KRT32: variants seen among roughly 807,000 people sequenced by gnomAD.
The protein encoded by KRT32 is keratin, type I cuticular Ha2.
KRT32 carries 44 observed loss-of-function variants against 41.8 expected under a neutral mutation model. The ratio of observed to expected loss-of-function variants is 1.05; its 90% confidence interval spans 0.83 to 1.35. The LOEUF (loss-of-function observed/expected upper bound fraction) is 1.35. KRT32 is among the 40% of genes most tolerant of loss of function. KRT32 has a pLI of 0.00. For missense variants in KRT32, 576 were observed against 584.6 expected, an observed-to-expected ratio of 0.99 and a Z score of 0.15; for synonymous variants, 238 against 242.5, an observed-to-expected ratio of 0.98 and a Z score of 0.17.
Position 41,462,819 on chromosome 17 carries a change from G to A in KRT32, c.1217+11C>T. 6.2e-7 allele frequency: 1 copy of A among 1,612,558 alleles called. No homozygotes were observed. Among genetic ancestry groups the A allele is most frequent in the Non-Finnish European group, 8.5e-7 (1 of 1,179,704 alleles). On this transcript the variant is annotated intron_variant, in intron 6 of 6. Coordinates refer to ENST00000225899, the MANE Select transcript of KRT32 (RefSeq NM_002278.3). ...CCCACGTCTCTCTAAGCCTCAGCTGGGCCTGCGTACTTGCAGTCCTCGTTC... is the reference window on the plus strand; with the variant it reads ...CCCACGTCTCTCTAAGCCTCAGCTGAGCCTGCGTACTTGCAGTCCTCGTTC...
At position 41,462,263 on chromosome 17, in the gene KRT32, G is replaced by T. The variant is rs566116738; in HGVS notation, c.1217+567C>A. Among the ~76,000 whole-genome samples the T allele has an allele frequency of 3.3e-5, 5 of 151,982 alleles. 1 individual carries two copies. The East Asian group carries it at 9.7e-4, about 29-fold the overall frequency. On this transcript the variant is annotated intron_variant, in intron 6 of 6. Coordinates refer to ENST00000225899, the MANE Select transcript of KRT32 (RefSeq NM_002278.3). ...AAGCCCTCCCTTCCCAGTATGACCC[G>T]TGTTGTTCTCCATAAATGGGCCCCG... is the stretch of plus-strand genomic sequence containing the variant.
At chr17:41,466,219 C>T (rs771020765) in intron 1 of KRT32, 43 bp from the exon 2 acceptor site, 15 of 1,552,804 alleles carry the variant, frequency 9.7e-6, no homozygotes, top group African/African-American at 8.1e-5. Flanking sequence ...CAGGATGAGA[C>T]GAAGCAAGAA....
At position 41,464,099 on chromosome 17, in the gene KRT32, C is replaced by T; in HGVS notation, c.975G>A (p.Glu325=). Residue 325 remains glutamate, a synonymous_variant, in exon 5 of 7, where the codon GAG becomes GAA. Coordinates refer to ENST00000225899, the MANE Select transcript of KRT32 (RefSeq NM_002278.3). ...TCACCAGGCTGTGCTGGGCCTGCAG[C>T]TCGATCTCCAGCGTGTTGACCGTGC... ...LRRTVNTLEI[E]LQAQHSLRDS... is the part of the protein sequence containing the mutation. 1 of 1,605,058 alleles carries T rather than the reference C, an allele frequency of 6.2e-7. No individual in the cohort carries two copies. The highest frequency in any genetic ancestry group is 8.5e-7 in the Non-Finnish European group (1 of 1,175,310).
intron 6 of KRT32, among the ~76,000 whole-genome samples, chr17:41,462,475 G>A (rs905885327): frequency 2.0e-5 from 3 of 152,178 alleles, no homozygotes; most frequent in Non-Finnish European, 2.9e-5. Flanking sequence ...CTCTGGACAG[G>A]CCATGACCTC....
At position 41,466,846 on chromosome 17, in the gene KRT32, C is replaced by A. The variant is rs76526153; in HGVS notation, c.468+12G>T. On this transcript the variant is annotated intron_variant, in intron 1 of 6. Transcript: ENST00000225899. ...TTCCCAGAGAGCCTATTCACCTCACCGCTGCCCTCACCTTCTGCTGGAGCT... is the reference window on the plus strand; with the variant it reads ...TTCCCAGAGAGCCTATTCACCTCACAGCTGCCCTCACCTTCTGCTGGAGCT... 6.3e-7 allele frequency: 1 copy of A among 1,592,886 alleles called. No homozygotes were observed. Among genetic ancestry groups the A allele is most frequent in the Non-Finnish European group, 8.6e-7 (1 of 1,164,704 alleles).
chr17:41,464,559 C>G, intron 3 of KRT32, 116 bp from the exon 4 acceptor site: 1 of 959,470 alleles, frequency 1.0e-6, no homozygotes, highest in South Asian at 1.9e-5. Flanking sequence ...CATTAGATGG[C>G]CCCTAAGGAC....
intron 1 of KRT32, 103 bp downstream of exon 1, chr17:41,466,755 T>C: frequency 1.2e-6 from 1 of 836,806 alleles, no homozygotes; most frequent in Non-Finnish European, 1.9e-6. Context: ...GGAAGTCTCT[T>C]TGTCCTGAAC....
rs147094229 is a variant in KRT32, at chr17:41,464,380, G to A, written c.772C>T (p.Pro258Ser). 1.7e-5 allele frequency: 28 copies of A among 1,610,416 alleles called. No homozygotes were observed. The highest frequency in any genetic ancestry group is 1.6e-4 in the Middle Eastern group (1 of 6,070). Residue 258 changes from proline to serine, a missense_variant, in exon 4 of 7, where the codon CCG becomes TCG. Pro to Ser is a moderately conservative substitution (Grantham distance 74, BLOSUM62 -1). Coordinates refer to ENST00000225899, the MANE Select transcript of KRT32 (RefSeq NM_002278.3). The stretch of plus-strand genomic sequence containing the variant: ...TCCAGCACCCTGGTCAGGTCCACCG[G>A]GGGTGCAGCGTCCACCTCGATGTTA... ...RLNIEVDAAP[P>S]VDLTRVLEEM...
At chr17:41,463,078 G>A (rs1451113936) in intron 5 of KRT32, 28 bp from the exon 6 acceptor site, 1 of 1,587,676 alleles carries the variant, frequency 6.3e-7, no homozygotes, top group South Asian at 1.1e-5. Flanking sequence ...ATAACCATGA[G>A]GAAGGGAGCT....
At chr17:41,466,249 A>T in intron 1 of KRT32, 73 bp from the exon 2 acceptor site, 1 of 1,270,302 alleles carries the variant, frequency 7.9e-7, no homozygotes, top group Non-Finnish European at 1.1e-6. Flanking sequence ...TGAAGAGAAG[A>T]CAGCAGCAAA....
chr17:41,461,271 C>T (rs991706997), intron 6 of KRT32, among the ~76,000 whole-genome samples: 3 of 152,192 alleles, frequency 2.0e-5, no homozygotes, highest in Non-Finnish European at 4.4e-5. Flanking sequence ...CCCTGCATAC[C>T]TCACATAGAA....
intron 6 of KRT32, among the ~76,000 whole-genome samples, chr17:41,461,104 C>G (rs1340748847): frequency 6.6e-6 from 1 of 152,136 alleles, no homozygotes; most frequent in African/African-American, 2.4e-5. Context: ...TTTAAGAGCT[C>G]AACTCAACTC....
chr17:41,466,810 G>C (rs1259178870), intron 1 of KRT32, 48 bp downstream of exon 1: 3 of 1,379,738 alleles, frequency 2.2e-6, no homozygotes, highest in Non-Finnish European at 3.0e-6. Flanking sequence ...ATGCCAGCTA[G>C]TCCAGTTCCC....
intron 5 of KRT32, 113 bp from the exon 6 acceptor site, chr17:41,463,163 A>G: frequency 1.0e-6 from 1 of 954,298 alleles, no homozygotes; most frequent in Non-Finnish European, 1.5e-6. Context: ...AGCCCTCCCT[A>G]CACCAGTCAC....
intron 6 of KRT32, among the ~76,000 whole-genome samples, chr17:41,461,139 C>G (rs996770918): frequency 2.6e-5 from 4 of 152,162 alleles, no homozygotes; most frequent in Non-Finnish European, 5.9e-5. Flanking sequence ...AAGCCTCCCC[C>G]ACCTCTCTGA....
chr17:41,464,070 G>A lies in KRT32; in HGVS notation c.996+8C>T, dbSNP rs778869398. The A allele has an allele frequency of 5.1e-6, 8 of 1,576,958 alleles. No individual in the cohort carries two copies. The African/African-American group carries it at 1.1e-4, about 21-fold the overall frequency. ...CGGAGGGATGGGTGCCCACCCAGCA[G>A]CTCTCACCAGGCTGTGCTGGGCCTG... On this transcript the variant is annotated splice_region_variant and intron_variant, in intron 5 of 6. Transcript: ENST00000225899.
chr17:41,464,203 T>A lies in KRT32; in HGVS notation c.871A>T (p.Met291Leu). ...RDVEEWFNMQ[M>L]EELNQQVATS... ...GCCACCTGTTGGTTAAGCTCCTCCATCTGCAGTTGGGGGAAGGAGAAGGCT... is the reference window on the plus strand; with the variant it reads ...GCCACCTGTTGGTTAAGCTCCTCCAACTGCAGTTGGGGGAAGGAGAAGGCT... Residue 291 changes from methionine (M) to leucine (L), a missense_variant and splice_region_variant, in exon 5 of 7, where the codon ATG becomes TTG. Met to Leu is a conservative substitution (Grantham distance 15). Transcript: ENST00000225899. 6.2e-7 allele frequency: 1 copy of A among 1,601,816 alleles called. No individual in the cohort carries two copies. Among genetic ancestry groups the A allele is most frequent in the Non-Finnish European group, 8.5e-7 (1 of 1,173,798 alleles).
rs960449124 is a variant in KRT32, at chr17:41,459,867, T to C, written c.*243A>G. 1 of 381,540 alleles carries C rather than the reference T, an allele frequency of 2.6e-6. No homozygotes were observed. The highest frequency in any genetic ancestry group is 2.1e-5 in the African/African-American group (1 of 47,150). The allele number at this position is 381,540 out of a possible 1,614,324, so 23.6% of individuals were successfully genotyped here. On this transcript the variant is annotated 3_prime_UTR_variant, in exon 7 of 7. Transcript: ENST00000225899. Reference sequence around the variant, plus strand: ...CCAGTTAACTAAGAACACACGCTCTTTGAGGCAGCACAGACAACCAGAAAC... The same window carrying C: ...CCAGTTAACTAAGAACACACGCTCTCTGAGGCAGCACAGACAACCAGAAAC...
At chr17:41,462,035 T>G (rs1261279867) in intron 6 of KRT32, among the ~76,000 whole-genome samples, 7 of 152,184 alleles carry the variant, frequency 4.6e-5, no homozygotes, top group Non-Finnish European at 1.0e-4. Context: ...ACTCAGTTCT[T>G]CCTGCTGCTA....
Sources: gnomAD v4.1 joint callset for allele counts (sites outside exome capture counted in the v4.1 genomes callset) on GRCh38, gnomAD v4.1.1 for gene constraint, MANE v1.5 for transcripts, NCBI Gene and HGNC (gene_info 2026-07-23, HGNC 2026-07-21) for gene names.